GLIPR1L1: variants seen among roughly 807,000 people sequenced by gnomAD.
GLIPR1L1 encodes the protein GLIPR1 like 1.
In GLIPR1L1, 26 loss-of-function variants were observed where a neutral mutation model predicts 29.9. The ratio of observed to expected loss-of-function variants is 0.87; its 90% CI spans 0.64 to 1.21. The LOEUF is 1.21. Among genes scored for constraint, GLIPR1L1 ranks in the 50% most tolerant of loss-of-function variants. The probability of loss-of-function intolerance (pLI) is 0.00; values close to 1 mark genes in which losing one functional copy is unlikely to be tolerated. For synonymous variants in GLIPR1L1, 77 were observed against 97.5 expected (o/e 0.79, Z 1.24); for missense variants, 305 against 290.3 (o/e 1.05, Z -0.37).
intron 3 of GLIPR1L1, among the ~76,000 whole-genome samples, chr12:75,357,484 G>T (rs1309842074): frequency 6.6e-6 from 1 of 152,028 alleles, no homozygotes; most frequent in East Asian, 1.9e-4. Context: ...TAGGGATATA[G>T]AGTTGAACAC....
chr12:75,359,756 T>A (rs538728820), intron 3 of GLIPR1L1: 4 of 152,206 alleles, frequency 2.6e-5, no homozygotes, highest in Admixed American at 2.6e-4. Context: ...AATTAATAAA[T>A]CATACTGGAA....
chr12:75,369,924 A>G, intron 4 of GLIPR1L1, 36 bp from the exon 5 acceptor site: 1 of 1,243,654 alleles, frequency 8.0e-7, no homozygotes, highest in South Asian at 1.6e-5. Context: ...CTTGTTTTAT[A>G]ACATTTTATA....
chr12:75,340,264 G>T (rs2042015732), intron 1 of GLIPR1L1, among the ~76,000 whole-genome samples: 1 of 148,476 alleles, frequency 6.7e-6, no homozygotes, highest in Non-Finnish European at 1.5e-5. Flanking sequence ...CTATAAACAT[G>T]TGTGTGCTAG....
Position 75,334,893 on chromosome 12 carries a change from G to A in GLIPR1L1, c.165G>A (p.Met55Ile), listed in dbSNP as rs2041613081. 6.2e-7 allele frequency: 1 copy of A among 1,613,722 alleles called. No homozygotes were observed. The highest frequency in any genetic ancestry group is 1.3e-5 in the African/African-American group (1 of 75,032). ...AAGTCAACCCTCCCGCGGCCGACATGAAATACATGGTGAGAAAGAACCAGG... is the reference window on the plus strand; with the variant it reads ...AAGTCAACCCTCCCGCGGCCGACATAAAATACATGGTGAGAAAGAACCAGG... Reference protein sequence around the residue: ...RGKVNPPAADMKYMIWDKGLA... With the variant: ...RGKVNPPAADIKYMIWDKGLA... Residue 55 changes from methionine (M) to isoleucine (I), a missense_variant, in exon 1 of 6, where the codon ATG (methionine) becomes ATA (isoleucine). Met to Ile is a conservative substitution (Grantham distance 10, BLOSUM62 1). Transcript: ENST00000378695.
intron 2 of GLIPR1L1, among the ~76,000 whole-genome samples, chr12:75,345,174 T>C (rs568026537): frequency 6.6e-6 from 1 of 152,176 alleles, no homozygotes; most frequent in Non-Finnish European, 1.5e-5. Context: ...AATCAGACTC[T>C]CATAACTATG....
rs1478492462 is a variant in GLIPR1L1, at chr12:75,362,474, C to T, written c.522-628C>T. Among the ~76,000 whole-genome samples the T allele has an allele frequency of 2.0e-5, 3 of 152,234 alleles. No homozygotes were observed. In the East Asian group the frequency reaches 5.8e-4, roughly 29 times the overall value. On this transcript the variant is annotated intron_variant, in intron 3 of 5. Coordinates refer to ENST00000378695, the MANE Select transcript of GLIPR1L1 (RefSeq NM_001304964.2). ...CAACCCTATTGGTAGTGACCAAAAA[C>T]TTGACCAACCCAAATGCCCATCAAT...
chr12:75,354,255 C>T (rs1042440415), intron 3 of GLIPR1L1, among the ~76,000 whole-genome samples: 10 of 151,880 alleles, frequency 6.6e-5, no homozygotes, highest in African/African-American at 2.2e-4. Flanking sequence ...TAGAAAACCC[C>T]ATTATCTCAA....
At chr12:75,347,825 A>G (rs898233198) in intron 3 of GLIPR1L1, 103 bp downstream of exon 3, 3 of 567,366 alleles carry the variant, frequency 5.3e-6, no homozygotes, top group Admixed American at 2.8e-5. Flanking sequence ...TTTGATAAGT[A>G]ATGACTCCCT....
At chr12:75,356,151 T>C (rs549094088) in intron 3 of GLIPR1L1, among the ~76,000 whole-genome samples, 92 of 151,744 alleles carry the variant, frequency 6.1e-4, no homozygotes, top group Non-Finnish European at 1.2e-3. Flanking sequence ...AACAAAAATA[T>C]AATTTAAAAA....
chr12:75,334,699 G>A lies in GLIPR1L1; in HGVS notation c.-30G>A, dbSNP rs1264196262. The stretch of plus-strand genomic sequence containing the variant: ...CAGCCGTTACTGGTCCGCGCAGTCA[G>A]GGCATCCTCCGCATCCTCCACATCC... On this transcript the variant is annotated 5_prime_UTR_variant, in exon 1 of 6. Coordinates refer to ENST00000378695, the MANE Select transcript of GLIPR1L1 (RefSeq NM_001304964.2). 4.4e-6 allele frequency: 7 copies of A among 1,600,248 alleles called. No homozygotes were observed. Among genetic ancestry groups the A allele is most frequent in the Non-Finnish European group, 6.0e-6 (7 of 1,172,924 alleles).
At chr12:75,355,747 A>T (rs2043115040) in intron 3 of GLIPR1L1, among the ~76,000 whole-genome samples, 1 of 152,234 alleles carries the variant, frequency 6.6e-6, no homozygotes, top group African/African-American at 2.4e-5. Context: ...TCAATGACAG[A>T]CTGGATAAAG....
chr12:75,348,394 G>A (rs1379119110), intron 3 of GLIPR1L1, among the ~76,000 whole-genome samples: 2 of 152,210 alleles, frequency 1.3e-5, no homozygotes, highest in African/African-American at 4.8e-5. Flanking sequence ...AGGCAGAAAT[G>A]TGTATATATC....
At chr12:75,336,257 A>G (rs2041731575) in intron 1 of GLIPR1L1, among the ~76,000 whole-genome samples, 1 of 151,904 alleles carries the variant, frequency 6.6e-6, no homozygotes, top group Non-Finnish European at 1.5e-5. Context: ...AAAGTCCTTG[A>G]TTAATTTTTG....
intron 3 of GLIPR1L1, among the ~76,000 whole-genome samples, chr12:75,355,816 T>C (rs1223681517): frequency 6.6e-6 from 1 of 152,190 alleles, no homozygotes; most frequent in Non-Finnish European, 1.5e-5. Context: ...AATGAGATCA[T>C]GTCATTTGCA....
chr12:75,358,515 G>A (rs144932432), intron 3 of GLIPR1L1, among the ~76,000 whole-genome samples: 4 of 150,854 alleles, frequency 2.7e-5, no homozygotes, highest in African/African-American at 7.3e-5. Context: ...CCTGATGAAG[G>A]CTCCTAACAA....
chr12:75,351,084 G>A (rs772240268), intron 3 of GLIPR1L1, among the ~76,000 whole-genome samples: 2 of 152,130 alleles, frequency 1.3e-5, no homozygotes, highest in Non-Finnish European at 2.9e-5. Context: ...AGACCAAGTG[G>A]AAGAAAGGAT....
chr12:75,340,448 T>A (rs1294896769), intron 1 of GLIPR1L1, among the ~76,000 whole-genome samples: 1 of 151,456 alleles, frequency 6.6e-6, no homozygotes, highest in East Asian at 1.9e-4. Flanking sequence ...CCAAAATGAA[T>A]CATAAATTTA....
chr12:75,335,015 C>A, intron 1 of GLIPR1L1, 113 bp downstream of exon 1: 3 of 1,041,014 alleles, frequency 2.9e-6, no homozygotes, highest in Non-Finnish European at 2.8e-6. Context: ...TACATATATG[C>A]AGTTAAAAAG....
In GLIPR1L1 at chr12:75,356,222, T is replaced by G. The variant is rs1382994901; in HGVS notation, c.522-6880T>G. ...TGGACATAATGCAAAAGAAGCAATA[T>G]CTTTAAAAACAAAAGCAAAATAAAA... On this transcript the variant is annotated intron_variant, in intron 3 of 5. Transcript: ENST00000378695. Among the ~76,000 whole-genome samples, 3 of 152,050 alleles carry G rather than the reference T, an allele frequency of 2.0e-5. 1 individual carries two copies. Among genetic ancestry groups the G allele is most frequent in the Non-Finnish European group, 4.4e-5 (3 of 67,994 alleles).
Sources: gnomAD v4.1 joint callset for allele counts (sites outside exome capture counted in the v4.1 genomes callset) on GRCh38, gnomAD v4.1.1 for gene constraint, MANE v1.5 for transcripts, NCBI Gene and HGNC (gene_info 2026-07-23, HGNC 2026-07-21) for gene names.